Variants in SULF2 observed in about 807,000 individuals in gnomAD.
The protein encoded by SULF2 is extracellular sulfatase Sulf-2.
A neutral mutation model predicts 107.7 loss-of-function variants in SULF2; 52 were observed. That is an observed-to-expected ratio of 0.48 (90% CI 0.39 to 0.61). The LOEUF is 0.61. Among genes scored for constraint, SULF2 ranks in the 20% least tolerant of loss-of-function variants. The probability of loss-of-function intolerance (pLI) is 0.00; values close to 1 mark genes in which losing one functional copy is unlikely to be tolerated. For missense variants in SULF2, 993 were observed against 1,177.3 expected (o/e 0.84, Z 2.29); for synonymous variants, 460 against 464.3 (o/e 0.99, Z 0.12).
At chr20:47,762,241 T>C (rs2090433006) in intron 1 of SULF2, among the ~76,000 whole-genome samples, 1 of 152,256 alleles carries the variant, frequency 6.6e-6, no homozygotes, top group Non-Finnish European at 1.5e-5. Context: ...GCCAGCGTTC[T>C]AAGATGCACA....
intron 13 of SULF2, 141 bp downstream of exon 13, chr20:47,665,716 C>T (rs778545960): frequency 1.0e-5 from 7 of 678,154 alleles, no homozygotes; most frequent in East Asian, 5.1e-5. Context: ...CCTATCCCCG[C>T]GTTGAGGAAT....
chr20:47,749,616 G>A (rs2090119078), intron 2 of SULF2, among the ~76,000 whole-genome samples: 1 of 152,246 alleles, frequency 6.6e-6, no homozygotes, highest in Non-Finnish European at 1.5e-5. Flanking sequence ...CTGCGATTTG[G>A]AATTGATCTC....
In SULF2 at chr20:47,658,059, T is replaced by G. The variant is rs2086950745; in HGVS notation, c.*303A>C. The G allele has an allele frequency of 9.4e-6, 4 of 424,584 alleles. No individual in the cohort carries two copies. The highest frequency in any genetic ancestry group is 6.0e-5 in the African/African-American group (3 of 50,276). The allele number at this position is 424,584 out of a possible 1,614,324, so 26.3% of individuals were successfully genotyped here. A position where few individuals can be genotyped will look rare whatever the true frequency, so the allele number is the denominator to read the frequency against. On this transcript the variant is annotated 3_prime_UTR_variant, in exon 21 of 21. Transcript: ENST00000688720. ...AAATCTCTCTCGCTCGCTCTCTCCG[T>G]TTTCCTTTGTGAGCTTCTGGGGGAG...
chr20:47,664,285 T>C, intron 14 of SULF2, 96 bp from the exon 15 acceptor site: 1 of 1,249,902 alleles, frequency 8.0e-7, no homozygotes, highest in Non-Finnish European at 1.1e-6. Context: ...CATGTGTTGC[T>C]GCTGCCCCAC....
At chr20:47,713,157 A>C (rs2088991286) in intron 3 of SULF2, among the ~76,000 whole-genome samples, 1 of 152,196 alleles carries the variant, frequency 6.6e-6, no homozygotes, top group Non-Finnish European at 1.5e-5. Flanking sequence ...GCCAACCTGA[A>C]GCACATCTGT....
chr20:47,675,144 T>C (rs1433372075), intron 10 of SULF2, among the ~76,000 whole-genome samples: 3 of 152,174 alleles, frequency 2.0e-5, no homozygotes, highest in African/African-American at 7.2e-5. Flanking sequence ...AGTGGGGGAC[T>C]TGACAACGTT....
rs138161979 is a variant in SULF2, at chr20:47,739,421, A to G, written c.176-2479T>C. ...AAGGTCGTGCCCCTGAGGTCCCAGT[A>G]TTGCACATTGGCCGCCCTCCCACCT... is the stretch of plus-strand genomic sequence containing the variant. On this transcript the variant is annotated intron_variant, in intron 2 of 20. Transcript: ENST00000688720. Among the ~76,000 whole-genome samples the G allele has an allele frequency of 1.8e-3, 277 of 152,236 alleles. 4 individuals carry two copies. The highest frequency in any genetic ancestry group is 6.6e-3 in the South Asian group (32 of 4,828).
chr20:47,691,495 G>A (rs188248254), intron 4 of SULF2, among the ~76,000 whole-genome samples: 59 of 152,268 alleles, frequency 3.9e-4, no homozygotes, highest in South Asian at 3.3e-3. Flanking sequence ...ATTGGCCTGC[G>A]GTTTGGCCCA....
chr20:47,735,973 C>T (rs1889170), intron 3 of SULF2, among the ~76,000 whole-genome samples: 73,390 of 152,082 alleles, frequency 0.48, 17,914 homozygotes, highest in African/African-American at 0.55. Flanking sequence ...ACAACCGCCG[C>T]GGCTTCTTAC....
chr20:47,700,218 A>G (rs1255908095), intron 4 of SULF2, among the ~76,000 whole-genome samples: 1 of 152,188 alleles, frequency 6.6e-6, no homozygotes, highest in East Asian at 1.9e-4. Flanking sequence ...AGGGGTCAGC[A>G]AACTACAGCC....
chr20:47,696,011 A>G (rs2088364175), intron 4 of SULF2, among the ~76,000 whole-genome samples: 1 of 152,190 alleles, frequency 6.6e-6, no homozygotes, highest in Non-Finnish European at 1.5e-5. Flanking sequence ...GAAAATGTAA[A>G]AACCATTCTT....
intron 2 of SULF2, among the ~76,000 whole-genome samples, chr20:47,745,004 T>TC (rs2089974161): frequency 6.6e-6 from 1 of 152,052 alleles, no homozygotes; most frequent in African/African-American, 2.4e-5. Flanking sequence ...AATCACCAGG[T>TC]CCTTTTTCAT....
chr20:47,736,584 G>C (rs553986163), intron 3 of SULF2, 119 bp downstream of exon 3: 46 of 1,319,154 alleles, frequency 3.5e-5, no homozygotes, highest in Non-Finnish European at 4.7e-5. Flanking sequence ...AATTATAAGA[G>C]AGTTGCTCTA....
At chr20:47,674,941 G>A (rs948709609) in intron 10 of SULF2, among the ~76,000 whole-genome samples, 42 of 152,304 alleles carry the variant, frequency 2.8e-4, no homozygotes, top group African/African-American at 7.7e-4. Context: ...GTCGGGGGCC[G>A]TGGGTTGCTG....
At chr20:47,756,379 A>C (rs2090283523) in intron 2 of SULF2, among the ~76,000 whole-genome samples, 1 of 152,198 alleles carries the variant, frequency 6.6e-6, no homozygotes, top group South Asian at 2.1e-4. Flanking sequence ...TCCCGGAGGA[A>C]AAAAACTATA....
chr20:47,701,406 C>T (rs1350920051), intron 4 of SULF2, among the ~76,000 whole-genome samples: 1 of 152,194 alleles, frequency 6.6e-6, no homozygotes, highest in Non-Finnish European at 1.5e-5. Flanking sequence ...TGTGAAAATT[C>T]ATCCAGCGGT....
At chr20:47,727,297 G>A (rs1372670310) in intron 3 of SULF2, among the ~76,000 whole-genome samples, 1 of 152,114 alleles carries the variant, frequency 6.6e-6, no homozygotes, top group African/African-American at 2.4e-5. Flanking sequence ...GGAAGAGAGG[G>A]ACCCACAGGG....
intron 2 of SULF2, among the ~76,000 whole-genome samples, chr20:47,751,794 G>T (rs2090162917): frequency 6.6e-6 from 1 of 152,222 alleles, no homozygotes; most frequent in Admixed American, 6.5e-5. Context: ...ACAGAGAGTG[G>T]TTGTGACACA....
chr20:47,745,418 T>TATATATAC, intron 2 of SULF2, among the ~76,000 whole-genome samples: 1 of 4,078 alleles, frequency 2.5e-4, no homozygotes, highest in South Asian at 0.011. Flanking sequence ...AAAATATATA[T>TATATATAC]ATATATATAT....
Sources: gnomAD v4.1 joint callset for allele counts (sites outside exome capture counted in the v4.1 genomes callset) on GRCh38, gnomAD v4.1.1 for gene constraint, MANE v1.5 for transcripts, NCBI Gene and HGNC (gene_info 2026-07-23, HGNC 2026-07-21) for gene names.